ZNF446: variants seen among roughly 807,000 people sequenced by gnomAD.
The protein encoded by ZNF446 is zinc finger protein with KRAB and SCAN domains 20.
In ZNF446, 42 loss-of-function variants were observed where a neutral mutation model predicts 34.0. The ratio of observed to expected loss-of-function variants is 1.23; its 90% CI spans 0.96 to 1.60. The LOEUF (loss-of-function observed/expected upper bound fraction) is 1.60. Among genes scored for constraint, ZNF446 ranks in the 40% most tolerant of loss-of-function variants. The probability of loss-of-function intolerance (pLI) is 0.00; values close to 1 mark genes in which losing one functional copy is unlikely to be tolerated. For missense variants in ZNF446, 650 were observed against 600.2 expected (o/e 1.08, Z -0.87); for synonymous variants, 315 against 251.0 (o/e 1.25, Z -2.41).
In ZNF446 at chr19:58,480,476, G is replaced by A. The variant is rs761123870; in HGVS notation, c.1103G>A (p.Gly368Glu). Residue 368 changes from glycine to glutamate, a missense_variant, in exon 7 of 7, where the codon GGG becomes GAG. Gly to Glu is a moderately conservative substitution (Grantham distance 98). Transcript: ENST00000594369. The surrounding 1 kb of genome is among the most constrained non-coding windows in gnomAD (Gnocchi z 7.2). ...PGVQSPGLAT[G>E]ESTEKPPQGE... The stretch of plus-strand genomic sequence containing the variant: ...GTGCAGTCCCCGGGGCTAGCCACCG[G>A]GGAAAGCACAGAGAAGCCACCACAA... 5 of 1,612,838 alleles carry A rather than the reference G, an allele frequency of 3.1e-6. No homozygotes were observed. Among genetic ancestry groups the A allele is most frequent in the Non-Finnish European group, 3.4e-6 (4 of 1,179,938 alleles).
At chr19:58,484,323 G>C (rs569628718), downstream of ZNF446, among the ~76,000 whole-genome samples, 91 of 150,128 alleles carry the variant, frequency 6.1e-4, 1 homozygote, top group African/African-American at 2.2e-3. Context: ...TTTTTTAGCT[G>C]GGTGTGGTAG....
rs1402230313 is a variant in ZNF446, at chr19:58,479,790, C to T, written c.712+63C>T. 2.6e-6 allele frequency: 4 copies of T among 1,553,470 alleles called. No individual in the cohort carries two copies. In the Admixed American group the frequency reaches 7.4e-5, roughly 29 times the overall value. ...GGGCCTGCACCCACCCTGCAGCAGG[C>T]CTAGCTGGGCAGGGCCTCTGTGCTA... is the stretch of plus-strand genomic sequence containing the variant. On this transcript the variant is annotated intron_variant, in intron 5 of 6. Transcript: ENST00000594369.
chr19:58,482,115 C>A (rs1287133212), downstream of ZNF446, among the ~76,000 whole-genome samples: 3 of 152,282 alleles, frequency 2.0e-5, no homozygotes, highest in East Asian at 5.8e-4. Flanking sequence ...TTTAACAGGA[C>A]TGGTTCCTCT....
At position 58,477,335 on chromosome 19, in the gene ZNF446, TC is replaced by T. The variant is rs777885975; in HGVS notation, c.121del (p.Arg41GlufsTer60). 1 of 1,613,224 alleles carries T rather than the reference TC, an allele frequency of 6.2e-7. No individual in the cohort carries two copies. Among genetic ancestry groups the T allele is most frequent in the Admixed American group, 1.7e-5 (1 of 60,012 alleles). On this transcript the variant is annotated frameshift_variant, in exon 2 of 7. Transcript: ENST00000594369. LOFTEE classifies it high-confidence loss of function. ...RGFCYQEVAG[P>X]REALARLREL... is the part of the protein sequence containing the mutation. ...GGTTCTGCTACCAGGAGGTGGCAGG[TC>T]CCCGAGAAGCCCTGGCCCGGCTGCG...
the ZNF446 span, among the ~76,000 whole-genome samples, chr19:58,486,721 G>T: frequency 9.0e-3 from 1,350 of 150,042 alleles, 13 homozygotes; most frequent in Middle Eastern, 0.019. Context: ...TTTTTTTGGG[G>T]GGGGGCGGGG....
chr19:58,485,035 T>A (rs2053161933), downstream of ZNF446, among the ~76,000 whole-genome samples: 1 of 151,696 alleles, frequency 6.6e-6, no homozygotes, highest in African/African-American at 2.4e-5. Context: ...AGCAACAGAG[T>A]GAGACCCTGT....
At chr19:58,484,177 C>T (rs995611762), downstream of ZNF446, among the ~76,000 whole-genome samples, 2 of 150,954 alleles carry the variant, frequency 1.3e-5, no homozygotes, top group Non-Finnish European at 1.5e-5. Flanking sequence ...TGGTTCACTC[C>T]TGTAATCCCA....
Position 58,480,092 on chromosome 19 carries a change from G to A in ZNF446, c.802+73G>A, listed in dbSNP as rs2053124850. 4 of 1,557,772 alleles carry A rather than the reference G, an allele frequency of 2.6e-6. No homozygotes were observed. The highest frequency in any genetic ancestry group is 1.4e-5 in the African/African-American group (1 of 73,888). On this transcript the variant is annotated intron_variant, in intron 6 of 6. Coordinates refer to ENST00000594369, the MANE Select transcript of ZNF446 (RefSeq NM_017908.4). The surrounding 1 kb of genome is among the most constrained non-coding windows in gnomAD (Gnocchi z 7.2). ...GGGACCTGAGCCACCCACTCATGGG[G>A]GGACGGGAGCTTGTGCCACGGCCAC...
downstream of ZNF446, among the ~76,000 whole-genome samples, chr19:58,481,776 A>AGGTTT (rs1462125598): frequency 1.4e-5 from 2 of 146,948 alleles, no homozygotes; most frequent in African/African-American, 5.0e-5. Flanking sequence ...GCTAAAATCA[A>AGGTTT]GGTTTTGTTT....
At chr19:58,483,381 T>C (rs2053152857), downstream of ZNF446, among the ~76,000 whole-genome samples, 1 of 151,958 alleles carries the variant, frequency 6.6e-6, no homozygotes. Context: ...CCCAGTTACT[T>C]GGGAGGCTGA....
the ZNF446 span, among the ~76,000 whole-genome samples, chr19:58,487,688 A>T: frequency 2.0e-5 from 3 of 151,818 alleles, no homozygotes; most frequent in African/African-American, 7.3e-5. Context: ...GGGCGCCTGT[A>T]ATCCCAGCTA....
the ZNF446 span, among the ~76,000 whole-genome samples, chr19:58,489,379 G>C: frequency 6.6e-6 from 1 of 152,126 alleles, no homozygotes; most frequent in Non-Finnish European, 1.5e-5. Context: ...CTCCGCGCAA[G>C]ACGACAGCTT....
chr19:58,479,890 A>G (rs1322744320), intron 5 of ZNF446, 40 bp from the exon 6 acceptor site: 1 of 1,514,024 alleles, frequency 6.6e-7, no homozygotes, highest in Non-Finnish European at 8.9e-7. Context: ...CCCCTCCTTC[A>G]TGCAAACCCC....
downstream of ZNF446, among the ~76,000 whole-genome samples, chr19:58,481,796 TTG>T (rs1167942152): frequency 2.0e-5 from 3 of 152,120 alleles, no homozygotes; most frequent in Non-Finnish European, 4.4e-5. Context: ...TTGTTTTGTT[TTG>T]TTTTGTTTTG....
chr19:58,488,121 A>G, the ZNF446 span, among the ~76,000 whole-genome samples: 41 of 61,906 alleles, frequency 6.6e-4, no homozygotes, highest in African/African-American at 1.5e-3. Context: ...CTTGCCCGTG[A>G]CCACACACCC....
chr19:58,477,580 G>A lies in ZNF446; in HGVS notation c.342+20G>A. ...GGCTGGGTGAGTGTGGCTGGCATCA[G>A]CTTCTTGGAGGGATAGACCCTGGCT... is the stretch of plus-strand genomic sequence containing the variant. On this transcript the variant is annotated intron_variant, in intron 2 of 6. Coordinates refer to ENST00000594369, the MANE Select transcript of ZNF446 (RefSeq NM_017908.4). The A allele has an allele frequency of 6.2e-7, 1 of 1,612,766 alleles. No individual in the cohort carries two copies. The highest frequency in any genetic ancestry group is 8.5e-7 in the Non-Finnish European group (1 of 1,179,414).
At position 58,480,551 on chromosome 19, in the gene ZNF446, G is replaced by A. The variant is rs966776756; in HGVS notation, c.1178G>A (p.Arg393Gln). 9.3e-6 allele frequency: 15 copies of A among 1,612,978 alleles called. No individual in the cohort carries two copies. The highest frequency in any genetic ancestry group is 3.3e-5 in the South Asian group (3 of 91,082). The change falls in exon 7 of 7, where the codon CGG (arginine) becomes CAG (glutamine). Residue 393 changes from arginine to glutamine, a missense_variant. Arg to Gln is a conservative substitution (Grantham distance 43, BLOSUM62 1). Coordinates refer to ENST00000594369, the MANE Select transcript of ZNF446 (RefSeq NM_017908.4). This position sits in a 1 kb window ranked among gnomAD's most constrained non-coding sequence, Gnocchi z 7.2. ...CCCCGACGCTCACTCACAGGCCCCC[G>A]GAGTTACCCGTGTGAGGAGTGCGGG... ...HHPRRSLTGP[R>Q]SYPCEECGCS...
downstream of ZNF446, among the ~76,000 whole-genome samples, chr19:58,483,044 A>G (rs1422181390): frequency 6.6e-6 from 1 of 152,244 alleles, no homozygotes; most frequent in African/African-American, 2.4e-5. Flanking sequence ...CAACTGTCTC[A>G]TGGCAATGCT....
At chr19:58,484,504 T>C (rs1383567313), downstream of ZNF446, among the ~76,000 whole-genome samples, 2 of 149,294 alleles carry the variant, frequency 1.3e-5, no homozygotes, top group South Asian at 4.2e-4. Context: ...GCTGCATTCC[T>C]TCTGTAAACA....
Sources: gnomAD v4.1 joint callset for allele counts (sites outside exome capture counted in the v4.1 genomes callset) on GRCh38, gnomAD v4.1.1 for gene constraint, Gnocchi (gnomAD v3.1) non-coding constraint, MANE v1.5 for transcripts, NCBI Gene and HGNC (gene_info 2026-07-23, HGNC 2026-07-21) for gene names.